DISC1: variants seen among roughly 807,000 people sequenced by gnomAD.
DISC1 encodes DISC1 scaffold protein.
In DISC1, 57 loss-of-function variants were observed where a neutral mutation model predicts 84.5. The ratio of observed to expected loss-of-function variants is 0.67; its 90% CI spans 0.55 to 0.84. The LOEUF (loss-of-function observed/expected upper bound fraction) is 0.84. DISC1 is among the 40% of genes least tolerant of loss of function. The probability of loss-of-function intolerance (pLI) is 0.00; values close to 1 mark genes in which losing one functional copy is unlikely to be tolerated. For missense variants in DISC1, 1,000 were observed against 1,057.8 expected (o/e 0.95, Z 0.76); for synonymous variants, 411 against 415.2 (o/e 0.99, Z 0.12).
At chr1:231,898,794 G>T (rs537913827) in intron 9 of DISC1, among the ~76,000 whole-genome samples, 1 of 151,922 alleles carries the variant, frequency 6.6e-6, no homozygotes, top group Non-Finnish European at 1.5e-5. Context: ...TTACCTGGGC[G>T]TGGTGGCGTA....
At chr1:231,831,254 A>G (rs980198596) in intron 9 of DISC1, among the ~76,000 whole-genome samples, 2 of 152,246 alleles carry the variant, frequency 1.3e-5, no homozygotes, top group Non-Finnish European at 2.9e-5. Context: ...TAGCAGATGG[A>G]ACACTGAGAA....
chr1:231,903,365 G>A (rs1250023089), intron 9 of DISC1, among the ~76,000 whole-genome samples: 3 of 152,164 alleles, frequency 2.0e-5, no homozygotes, highest in East Asian at 3.8e-4. Flanking sequence ...CTAGGAGTTA[G>A]GACTTCAACA....
chr1:231,717,675 A>G (rs563563938), intron 3 of DISC1, among the ~76,000 whole-genome samples: 1 of 152,306 alleles, frequency 6.6e-6, no homozygotes, highest in East Asian at 1.9e-4. Flanking sequence ...TCTCACTGCC[A>G]AAAGTCTCCA....
chr1:231,682,163 T>G (rs1381319773), intron 1 of DISC1, among the ~76,000 whole-genome samples: 1 of 152,170 alleles, frequency 6.6e-6, no homozygotes. Flanking sequence ...GAACAGCAGA[T>G]GGAAGATAGG....
intron 9 of DISC1, among the ~76,000 whole-genome samples, chr1:231,955,467 A>G (rs1659289896): frequency 6.6e-6 from 1 of 150,960 alleles, no homozygotes; most frequent in Admixed American, 6.6e-5. Flanking sequence ...TTAGGGTAAA[A>G]ATCTGTAGTC....
chr1:231,762,414 A>G (rs1033067437), intron 4 of DISC1, among the ~76,000 whole-genome samples: 1 of 151,342 alleles, frequency 6.6e-6, no homozygotes, highest in Non-Finnish European at 1.5e-5. Flanking sequence ...AGCTCACTGC[A>G]GCCTCTAACT....
chr1:232,016,692 T>C (rs982414168), intron 11 of DISC1, among the ~76,000 whole-genome samples: 3 of 152,226 alleles, frequency 2.0e-5, no homozygotes, highest in Non-Finnish European at 2.9e-5. Context: ...TGTTTGGTTC[T>C]GTTAATTACT....
chr1:231,769,953 G>C (rs1458583958), intron 5 of DISC1, among the ~76,000 whole-genome samples: 1 of 152,130 alleles, frequency 6.6e-6, no homozygotes, highest in East Asian at 1.9e-4. Flanking sequence ...ACATTCTTTA[G>C]TAACTCCCAA....
chr1:231,857,523 G>C (rs2084354825), intron 9 of DISC1, among the ~76,000 whole-genome samples: 1 of 152,142 alleles, frequency 6.6e-6, no homozygotes, highest in Non-Finnish European at 1.5e-5. Flanking sequence ...ATGGGCCTCA[G>C]TTTCCTCACA....
intron 2 of DISC1, among the ~76,000 whole-genome samples, chr1:231,696,150 T>A (rs2065671640): frequency 6.6e-6 from 1 of 152,210 alleles, no homozygotes; most frequent in Non-Finnish European, 1.5e-5. Context: ...TTGTTCCACA[T>A]CTGGCTGGCC....
At chr1:231,653,074 C>T (rs77985061) in intron 1 of DISC1, among the ~76,000 whole-genome samples, 5,224 of 152,276 alleles carry the variant, frequency 0.034, 121 homozygotes, top group Middle Eastern at 0.071. Context: ...CCACTGTGCC[C>T]GGCCTAATGG....
At position 232,009,373 on chromosome 1, in the gene DISC1, A is replaced by G. The variant is rs1572621220; in HGVS notation, c.2307+324A>G. The G allele has an allele frequency of 4.7e-6, 4 of 857,476 alleles. No homozygotes were observed. In the Middle Eastern group the frequency reaches 1.7e-3, roughly 374 times the overall value. 53.1% of individuals were successfully genotyped at this position (857,476 alleles called of 1,614,324 possible). A position where few individuals can be genotyped will look rare whatever the true frequency, so the allele number is the denominator to read the frequency against. Reference sequence around the variant, plus strand: ...TATATATGTCATATATAATATAGTTATTATATTCACTATAGATTATATATG... The same window carrying G: ...TATATATGTCATATATAATATAGTTGTTATATTCACTATAGATTATATATG... On this transcript the variant is annotated intron_variant, in intron 11 of 12. Transcript: ENST00000439617. The surrounding 1 kb of genome is among the most constrained non-coding windows in gnomAD (Gnocchi z 4.6).
At chr1:231,823,238 C>T (rs201957059) in intron 9 of DISC1, among the ~76,000 whole-genome samples, 1 of 151,694 alleles carries the variant, frequency 6.6e-6, no homozygotes, top group East Asian at 1.9e-4. Context: ...GTAGAAGAAA[C>T]TGATGAAAAA....
chr1:231,912,789 CT>C (rs2089332558), intron 9 of DISC1, among the ~76,000 whole-genome samples: 1 of 137,524 alleles, frequency 7.3e-6, no homozygotes, highest in Admixed American at 7.1e-5. Context: ...TTCTTTCTTT[CT>C]TTCTTTCTTT....
chr1:231,835,513 A>T (rs1011439978), intron 9 of DISC1, among the ~76,000 whole-genome samples: 2 of 152,230 alleles, frequency 1.3e-5, no homozygotes, highest in South Asian at 2.1e-4. Flanking sequence ...TAATGTCATC[A>T]GTTAAGGCAG....
chr1:232,008,323 T>C (rs755680989), intron 10 of DISC1, among the ~76,000 whole-genome samples: 1 of 152,200 alleles, frequency 6.6e-6, no homozygotes, highest in Non-Finnish European at 1.5e-5. Context: ...GCAGGGAATG[T>C]TTCTCCCAAA....
intron 3 of DISC1, among the ~76,000 whole-genome samples, chr1:231,726,004 C>T (rs1219950599): frequency 9.9e-5 from 15 of 152,146 alleles, no homozygotes; most frequent in Non-Finnish European, 2.2e-4. Flanking sequence ...CCCCTTTCCT[C>T]CTCCAGCCTT....
chr1:232,018,736 G>A (rs756695663), intron 11 of DISC1, among the ~76,000 whole-genome samples: 2 of 152,134 alleles, frequency 1.3e-5, no homozygotes, highest in Admixed American at 6.5e-5. Flanking sequence ...AATCATACCC[G>A]TGTGGAGGGA....
chr1:231,842,559 A>G (rs1028273491), intron 9 of DISC1, among the ~76,000 whole-genome samples: 4 of 152,220 alleles, frequency 2.6e-5, no homozygotes, highest in Non-Finnish European at 5.9e-5. Context: ...ATGACATCCC[A>G]TGCAGCAAAC....
Sources: allele counts gnomAD v4.1 joint callset (sites outside exome capture counted in the v4.1 genomes callset), GRCh38; gene constraint gnomAD v4.1.1; non-coding constraint Gnocchi (gnomAD v3.1); transcripts MANE v1.5; gene names NCBI Gene and HGNC (gene_info 2026-07-23, HGNC 2026-07-21).